SRGAP3: variants seen among roughly 807,000 people sequenced by gnomAD.
The protein encoded by SRGAP3 is SLIT-ROBO Rho GTPase activating protein 3, also known as SLIT-ROBO Rho GTPase-activating protein 3.
In SRGAP3, 39 loss-of-function variants were observed where a neutral mutation model predicts 121.1. That is an observed-to-expected ratio of 0.32 (90% CI 0.25 to 0.42). The LOEUF is 0.42. Among genes scored for constraint, SRGAP3 ranks in the 10% least tolerant of loss-of-function variants. The pLI is 1.00. For synonymous variants in SRGAP3, 601 were observed against 570.0 expected, an observed-to-expected ratio of 1.05 and a Z score of -0.77; for missense variants, 1,213 against 1,470.6, an observed-to-expected ratio of 0.82 and a Z score of 2.86.
Position 9,010,330 on chromosome 3 carries a change from A to C in SRGAP3, c.2205T>G (p.Thr735=). The change falls in exon 18 of 22, where the codon ACT becomes ACG. Residue 735 remains threonine (T), a synonymous_variant. Coordinates refer to ENST00000383836, the MANE Select transcript of SRGAP3 (RefSeq NM_014850.4). ...CACCTTCATCGCTGGTATGAGGCTC[A>C]GTGCCATTGTCATGGTCAACTTCAT... The part of the protein sequence containing the change: ...AIDEVDHDNG[T]EPHTSDEEVE... The C allele has an allele frequency of 6.2e-7, 1 of 1,614,154 alleles. No individual in the cohort carries two copies. The highest frequency in any genetic ancestry group is 8.5e-7 in the Non-Finnish European group (1 of 1,180,016).
chr3:9,138,923 A>C (rs966981176), intron 1 of SRGAP3, among the ~76,000 whole-genome samples: 5 of 147,760 alleles, frequency 3.4e-5, no homozygotes, highest in African/African-American at 1.3e-4. Context: ...CAAGCATTTC[A>C]GATAAGGAAT....
chr3:9,111,055 G>A (rs1948605401), intron 2 of SRGAP3, among the ~76,000 whole-genome samples: 1 of 152,232 alleles, frequency 6.6e-6, no homozygotes, highest in South Asian at 2.1e-4. Flanking sequence ...TCATTCTTCA[G>A]CAGTTCATGC....
chr3:9,136,294 G>C (rs1444176064), intron 1 of SRGAP3, among the ~76,000 whole-genome samples: 5 of 152,034 alleles, frequency 3.3e-5, no homozygotes, highest in African/African-American at 9.7e-5. Flanking sequence ...ACGGCCCCGA[G>C]GGTCCGCAGG....
At chr3:9,238,177 T>C (rs895593666) in intron 1 of SRGAP3, among the ~76,000 whole-genome samples, 3 of 152,056 alleles carry the variant, frequency 2.0e-5, no homozygotes, top group Non-Finnish European at 2.9e-5. Context: ...CTGAGAAACT[T>C]TGGGTTGCAC....
At chr3:9,307,636 G>A (rs563966315) in intron 3 of SRGAP3, among the ~76,000 whole-genome samples, 1 of 152,300 alleles carries the variant, frequency 6.6e-6, no homozygotes, top group Admixed American at 6.5e-5. Context: ...CAAAATGTAT[G>A]TCCATGATGA....
At chr3:9,089,512 G>C (rs1947653607) in intron 3 of SRGAP3, among the ~76,000 whole-genome samples, 2 of 152,146 alleles carry the variant, frequency 1.3e-5, no homozygotes, top group Non-Finnish European at 2.9e-5. Flanking sequence ...GATGAGTCCA[G>C]ACCACAAGGA....
intron 2 of SRGAP3, 110 bp downstream of exon 2, chr3:9,124,615 C>T (rs1949147625): frequency 5.0e-6 from 7 of 1,411,186 alleles, no homozygotes; most frequent in East Asian, 2.3e-5. Context: ...CCTGAAGGCA[C>T]ACCCTCTGCC....
intron 14 of SRGAP3, among the ~76,000 whole-genome samples, chr3:9,024,017 A>T (rs912039436): frequency 5.3e-5 from 8 of 152,162 alleles, no homozygotes; most frequent in African/African-American, 1.9e-4. Context: ...AGAGGCAGAG[A>T]ATTTGCTCAA....
chr3:9,001,597 C>T (rs535946), intron 18 of SRGAP3, among the ~76,000 whole-genome samples: 61,532 of 151,706 alleles, frequency 0.41, 13,161 homozygotes, highest in East Asian at 0.61. Context: ...GTGGTAATAT[C>T]AAATGTGAAT....
chr3:9,175,281 A>G (rs1951137508), intron 1 of SRGAP3, among the ~76,000 whole-genome samples: 1 of 152,096 alleles, frequency 6.6e-6, no homozygotes, highest in African/African-American at 2.4e-5. Context: ...CCTGTCTTAT[A>G]CTTTGGTTTC....
intron 21 of SRGAP3, among the ~76,000 whole-genome samples, chr3:8,987,813 A>G (rs1574850580): frequency 1.3e-5 from 2 of 151,572 alleles, no homozygotes; most frequent in African/African-American, 4.9e-5. Context: ...GGGAAGGCAG[A>G]CCTCTCCCCA....
chr3:9,064,364 C>T, intron 5 of SRGAP3, 32 bp downstream of exon 5: 1 of 1,614,054 alleles, frequency 6.2e-7, no homozygotes, highest in South Asian at 1.1e-5. Context: ...TGCCCTGTCC[C>T]CAATCGCTCC....
At chr3:9,151,877 G>C (rs779918448) in intron 1 of SRGAP3, among the ~76,000 whole-genome samples, 1 of 152,188 alleles carries the variant, frequency 6.6e-6, no homozygotes, top group South Asian at 2.1e-4. Context: ...AGCAGGCAAC[G>C]GGAATCCAGT....
At chr3:9,273,183 G>A (rs963059335) in intron 3 of SRGAP3, among the ~76,000 whole-genome samples, 8 of 152,154 alleles carry the variant, frequency 5.3e-5, no homozygotes, top group African/African-American at 9.7e-5. Flanking sequence ...TAGGGTTTGC[G>A]CTCCTATGAG....
rs1293975567 is a variant in SRGAP3, at chr3:8,985,892, C to T, written c.2927G>A (p.Arg976Gln). ...KTMSTALHELRELERQNTVKQ... is the reference protein window; with the variant it reads ...KTMSTALHELQELERQNTVKQ... ...GACCGTGTTCTGCCTCTCGAGTTCCCGCAACTCGTGCAGAGCCGTGCTCAT... is the reference window on the plus strand; with the variant it reads ...GACCGTGTTCTGCCTCTCGAGTTCCTGCAACTCGTGCAGAGCCGTGCTCAT... Residue 976 changes from arginine to glutamine, a missense_variant, in exon 22 of 22, where the codon CGG (arginine) becomes CAG (glutamine). By Grantham distance (43) the Arg-to-Gln change is conservative. Transcript: ENST00000383836. This position sits in a 1 kb window ranked among gnomAD's most constrained non-coding sequence, Gnocchi z 5.1. 5 of 1,599,654 alleles carry T rather than the reference C, an allele frequency of 3.1e-6. No individual in the cohort carries two copies. Among genetic ancestry groups the T allele is most frequent in the Non-Finnish European group, 4.2e-6 (5 of 1,179,926 alleles).
At chr3:9,137,268 C>A (rs1375414418) in intron 1 of SRGAP3, among the ~76,000 whole-genome samples, 3 of 152,126 alleles carry the variant, frequency 2.0e-5, no homozygotes, top group African/African-American at 7.2e-5. Flanking sequence ...CACGATTATT[C>A]AGGGTAGTAA....
At chr3:9,179,889 C>T (rs1951318850) in intron 1 of SRGAP3, among the ~76,000 whole-genome samples, 1 of 152,242 alleles carries the variant, frequency 6.6e-6, no homozygotes, top group African/African-American at 2.4e-5. Flanking sequence ...CCACTTTGGG[C>T]TGTCCTGTTC....
At chr3:9,058,137 G>T in intron 7 of SRGAP3, 114 bp downstream of exon 7, 1 of 1,136,098 alleles carries the variant, frequency 8.8e-7, no homozygotes, top group South Asian at 1.3e-5. Flanking sequence ...CCAGGAGCTT[G>T]ACCCCAGGCG....
At chr3:9,299,205 C>T (rs1955004674) in intron 3 of SRGAP3, among the ~76,000 whole-genome samples, 1 of 150,746 alleles carries the variant, frequency 6.6e-6, no homozygotes, top group African/African-American at 2.4e-5. Context: ...TACTAAAATA[C>T]AAAAAATTAG....
Sources: allele counts gnomAD v4.1 joint callset (sites outside exome capture counted in the v4.1 genomes callset), GRCh38; gene constraint gnomAD v4.1.1; non-coding constraint Gnocchi (gnomAD v3.1); transcripts MANE v1.5; gene names NCBI Gene and HGNC (gene_info 2026-07-23, HGNC 2026-07-21).